The following PLCG2 variants were observed in gnomAD, a reference collection of about 807,000 sequenced individuals.
PLCG2 encodes the protein 1-phosphatidylinositol 4,5-bisphosphate phosphodiesterase gamma-2.
Under a neutral mutation model 175.6 loss-of-function variants are expected in PLCG2, and 69 were observed. The ratio of observed to expected loss-of-function variants is 0.39; its 90% CI spans 0.32 to 0.48. The LOEUF (loss-of-function observed/expected upper bound fraction) is 0.48. Among genes scored for constraint, PLCG2 ranks in the 20% least tolerant of loss-of-function variants. The probability of loss-of-function intolerance (pLI) is 0.91; values close to 1 mark genes in which losing one functional copy is unlikely to be tolerated. For missense variants in PLCG2, 1,798 were observed against 1,650.9 expected, an observed-to-expected ratio of 1.09 and a Z score of -1.54; for synonymous variants, 827 against 624.0, an observed-to-expected ratio of 1.33 and a Z score of -4.85.
At chr16:81,874,297 C>G (rs996268746) in intron 7 of PLCG2, among the ~76,000 whole-genome samples, 1 of 152,208 alleles carries the variant, frequency 6.6e-6, no homozygotes, top group Non-Finnish European at 1.5e-5. Context: ...ACAGCTCTGT[C>G]TGCTCATTTA....
chr16:81,785,871 G>A, intron 1 of PLCG2, 72 bp from the exon 2 acceptor site: 2 of 946,570 alleles, frequency 2.1e-6, no homozygotes, highest in Non-Finnish European at 3.2e-6. Context: ...TTTGGTTCCT[G>A]AAGTTCATGC....
At chr16:81,873,804 C>T (rs1907635656) in intron 7 of PLCG2, among the ~76,000 whole-genome samples, 1 of 152,114 alleles carries the variant, frequency 6.6e-6, no homozygotes, top group Non-Finnish European at 1.5e-5. Flanking sequence ...AGAAGATTTG[C>T]ACAAAAGCTG....
At chr16:81,946,748 C>T (rs1002261198) in intron 31 of PLCG2, among the ~76,000 whole-genome samples, 1 of 152,162 alleles carries the variant, frequency 6.6e-6, no homozygotes, top group Non-Finnish European at 1.5e-5. Context: ...AGGTGAGTAC[C>T]TTTTTCCTCC....
At chr16:81,854,612 C>G (rs1340960965) in intron 3 of PLCG2, 25 bp downstream of exon 3, 4 of 1,607,972 alleles carry the variant, frequency 2.5e-6, no homozygotes, top group Non-Finnish European at 3.4e-6. Flanking sequence ...CTGTGCCTTT[C>G]TCCTTCCCTG....
chr16:81,759,447 A>G (rs180889298), intron 2 of PLCG2, among the ~76,000 whole-genome samples: 17 of 152,288 alleles, frequency 1.1e-4, no homozygotes, highest in Non-Finnish European at 1.5e-5. Flanking sequence ...TAATATCTGC[A>G]CTGCTGCAGA....
chr16:81,887,716 A>G (rs184751775), intron 9 of PLCG2, among the ~76,000 whole-genome samples: 4 of 152,294 alleles, frequency 2.6e-5, no homozygotes, highest in Admixed American at 6.5e-5. Flanking sequence ...ATTTGCTTCT[A>G]TTAGTCATAA....
intron 28 of PLCG2, 110 bp downstream of exon 28, chr16:81,938,013 G>C: frequency 1.1e-6 from 1 of 933,308 alleles, no homozygotes; most frequent in South Asian, 1.6e-5. Context: ...TGGTTGTCTT[G>C]TTTAAACGAT....
chr16:81,919,522 A>G lies in PLCG2; in HGVS notation c.2093A>G (p.Asp698Gly). Reference sequence around the variant, plus strand: ...GTAAAGCATTGTCGCATCAACCGGGACGGCCGGCACTTTGTGCTGGGGACC... The same window carrying G: ...GTAAAGCATTGTCGCATCAACCGGGGCGGCCGGCACTTTGTGCTGGGGACC... ...GKVKHCRINR[D>G]GRHFVLGTSA... The change falls in exon 20 of 33, where the codon GAC becomes GGC. Residue 698 changes from aspartate (D) to glycine (G), a missense_variant. Transcript: ENST00000564138. 6.2e-7 allele frequency: 1 copy of G among 1,613,886 alleles called. No individual in the cohort carries two copies. The highest frequency in any genetic ancestry group is 8.5e-7 in the Non-Finnish European group (1 of 1,179,882).
intron 2 of PLCG2, among the ~76,000 whole-genome samples, chr16:81,814,588 G>C (rs1210210910): frequency 1.3e-5 from 2 of 152,072 alleles, no homozygotes; most frequent in Admixed American, 6.5e-5. Context: ...CTAGCTACTC[G>C]GGAGGCTGAG....
chr16:81,891,389 C>A (rs4889428), intron 10 of PLCG2, 83 bp from the exon 11 acceptor site: 45 of 818,352 alleles, frequency 5.5e-5, no homozygotes, highest in Non-Finnish European at 8.9e-5. Flanking sequence ...GTTCTTCCCC[C>A]CTGGTGGGCG....
In PLCG2 at chr16:81,959,189, T is replaced by C. The variant is rs909733221; in HGVS notation, c.*1191T>C. ...TTTACAGCTGATGGGAAAAGGAGTG[T>C]AACTGTGAAAAACGATGGCTGTGGT... On this transcript the variant is annotated 3_prime_UTR_variant, in exon 33 of 33. Coordinates refer to ENST00000564138, the MANE Select transcript of PLCG2 (RefSeq NM_002661.5). The C allele has an allele frequency of 2.7e-5, 6 of 226,026 alleles. No individual in the cohort carries two copies. The highest frequency in any genetic ancestry group is 4.4e-5 in the Non-Finnish European group (5 of 113,692). 14.0% of individuals were successfully genotyped at this position (226,026 alleles called of 1,614,324 possible).
In PLCG2 at chr16:81,826,279, C is replaced by T. The variant is rs148166959; in HGVS notation, c.194-28165C>T. On this transcript the variant is annotated intron_variant, in intron 2 of 32. Coordinates refer to ENST00000564138, the MANE Select transcript of PLCG2 (RefSeq NM_002661.5). The stretch of plus-strand genomic sequence containing the variant: ...TTTGGAGATGTGCTTCCCTCTGCCA[C>T]GGCAAGGCTCCAGGATCCTAGGCTC... Among the ~76,000 whole-genome samples, 43 of 152,250 alleles carry T rather than the reference C, an allele frequency of 2.8e-4. 1 individual carries two copies. The highest frequency in any genetic ancestry group is 2.3e-3 in the East Asian group (12 of 5,184).
At chr16:81,867,719 A>T (rs1201341266) in intron 5 of PLCG2, among the ~76,000 whole-genome samples, 8 of 148,672 alleles carry the variant, frequency 5.4e-5, no homozygotes, top group Non-Finnish European at 7.4e-5. Flanking sequence ...ATTTTTGGAG[A>T]TGGAGTCTTG....
intron 2 of PLCG2, among the ~76,000 whole-genome samples, chr16:81,831,807 G>A (rs931492529): frequency 1.3e-5 from 2 of 152,208 alleles, no homozygotes; most frequent in African/African-American, 4.8e-5. Flanking sequence ...CCTTCTAGCT[G>A]TCTGCAACAG....
At chr16:81,763,656 T>C (rs1341505965) in intron 2 of PLCG2, among the ~76,000 whole-genome samples, 2 of 152,178 alleles carry the variant, frequency 1.3e-5, no homozygotes, top group Non-Finnish European at 2.9e-5. Context: ...CTACATTCTA[T>C]TGAGGCAGCT....
At chr16:81,915,584 A>G (rs1909806111) in intron 19 of PLCG2, among the ~76,000 whole-genome samples, 1 of 152,088 alleles carries the variant, frequency 6.6e-6, no homozygotes, top group Admixed American at 6.6e-5. Context: ...TGTTTTCCAA[A>G]CCATTCACTT....
chr16:81,921,094 A>T (rs894528276), intron 20 of PLCG2, 104 bp from the exon 21 acceptor site: 37 of 678,858 alleles, frequency 5.5e-5, no homozygotes, highest in Non-Finnish European at 8.7e-5. Flanking sequence ...CAACTCCTCT[A>T]TCAAAGGATA....
intron 2 of PLCG2, among the ~76,000 whole-genome samples, chr16:81,844,116 A>G (rs532897972): frequency 7.1e-6 from 1 of 140,320 alleles, no homozygotes; most frequent in Non-Finnish European, 1.5e-5. Flanking sequence ...AGCTGGGACT[A>G]CAGGTGCCCG....
chr16:81,904,429 G>C (rs1909277341), intron 14 of PLCG2, among the ~76,000 whole-genome samples: 1 of 152,188 alleles, frequency 6.6e-6, no homozygotes, highest in African/African-American at 2.4e-5. Context: ...TGGGAGTCCA[G>C]GTGTCATCAC....
Sources: gnomAD v4.1 joint callset for allele counts (sites outside exome capture counted in the v4.1 genomes callset) on GRCh38, gnomAD v4.1.1 for gene constraint, MANE v1.5 for transcripts, NCBI Gene and HGNC (gene_info 2026-07-23, HGNC 2026-07-21) for gene names.